Variants in FABP12 observed in about 807,000 individuals in gnomAD.
FABP12 encodes the protein fatty acid binding protein 12.
FABP12 carries 19 observed loss-of-function variants against 13.7 expected under a neutral mutation model. That is an observed-to-expected ratio of 1.39 (90% CI 0.97 to 2.04). The LOEUF is 2.04. FABP12 is among the 30% of genes most tolerant of loss of function. The probability of loss-of-function intolerance (pLI) is 0.00; values close to 1 mark genes in which losing one functional copy is unlikely to be tolerated. For synonymous variants in FABP12, 61 were observed against 57.0 expected, an observed-to-expected ratio of 1.07 and a Z score of -0.32; for missense variants, 182 against 164.2, an observed-to-expected ratio of 1.11 and a Z score of -0.59.
chr8:81,531,282 T>TG lies in FABP12; in HGVS notation c.33dup (p.Ile12HisfsTer4). ...TAGTCTTCGGAATTTTCACAAGAAA[T>TG]GGACTTCCATGTTCCTTGGAGCTGG... On this transcript the variant is annotated frameshift_variant, in exon 2 of 5. Transcript: ENST00000360464. LOFTEE classifies it high-confidence loss of function. 2 of 1,606,228 alleles carry TG rather than the reference T, an allele frequency of 1.2e-6. No homozygotes were observed. The highest frequency in any genetic ancestry group is 1.7e-4 in the Middle Eastern group (1 of 5,926).
chr8:81,548,431 T>C (rs1246419717), intron 1 of FABP12, among the ~76,000 whole-genome samples: 2 of 152,122 alleles, frequency 1.3e-5, no homozygotes, highest in East Asian at 1.9e-4. Context: ...ATTCAAAGTG[T>C]TGGAGTTTAC....
At chr8:81,570,587 G>T (rs1809912298) in intron 1 of FABP12, among the ~76,000 whole-genome samples, 1 of 152,062 alleles carries the variant, frequency 6.6e-6, no homozygotes, top group Non-Finnish European at 1.5e-5. Context: ...CAGCAGAGAG[G>T]GTACCTCTCT....
intron 1 of FABP12, among the ~76,000 whole-genome samples, chr8:81,572,796 ATTGT>A (rs999094565): frequency 1.3e-3 from 191 of 151,704 alleles, no homozygotes; most frequent in African/African-American, 4.2e-3. Context: ...TTTTGATGTG[ATTGT>A]TTGTTTTTTT....
chr8:81,564,391 A>ATAT (rs539404358), intron 1 of FABP12, among the ~76,000 whole-genome samples: 154 of 152,282 alleles, frequency 1.0e-3, no homozygotes, highest in African/African-American at 3.7e-3. Context: ...ACATTATAAA[A>ATAT]TATAATTGTG....
At chr8:81,568,813 T>C (rs1809874011) in intron 1 of FABP12, among the ~76,000 whole-genome samples, 1 of 152,168 alleles carries the variant, frequency 6.6e-6, no homozygotes, top group Non-Finnish European at 1.5e-5. Flanking sequence ...TGTAGCAACA[T>C]GGATGGAAGT....
At chr8:81,583,836 T>C (rs1278920794) in intron 1 of FABP12, among the ~76,000 whole-genome samples, 1 of 152,128 alleles carries the variant, frequency 6.6e-6, no homozygotes, top group Non-Finnish European at 1.5e-5. Flanking sequence ...CCCTGACTCA[T>C]TATATAAGGC....
At chr8:81,560,281 C>A (rs76214081) in intron 1 of FABP12, among the ~76,000 whole-genome samples, 8,156 of 152,226 alleles carry the variant, frequency 0.054, 249 homozygotes, top group South Asian at 0.1. Flanking sequence ...TTTCCTCATA[C>A]TTTTTTATGC....
At chr8:81,553,448 A>G (rs1184162781) in intron 1 of FABP12, among the ~76,000 whole-genome samples, 1 of 152,200 alleles carries the variant, frequency 6.6e-6, no homozygotes, top group Non-Finnish European at 1.5e-5. Flanking sequence ...AATTTATACT[A>G]TATTTTCACT....
chr8:81,571,276 GC>G (rs1376918506), intron 1 of FABP12, among the ~76,000 whole-genome samples: 6 of 152,226 alleles, frequency 3.9e-5, no homozygotes, highest in East Asian at 1.9e-4. Flanking sequence ...ACCTTCCCAG[GC>G]CCCCAGGAGT....
intron 1 of FABP12, among the ~76,000 whole-genome samples, chr8:81,583,030 T>C (rs1367509356): frequency 6.6e-6 from 1 of 151,986 alleles, no homozygotes; most frequent in South Asian, 2.1e-4. Flanking sequence ...GGAATAAAAC[T>C]AGAAATGCAT....
At chr8:81,552,420 G>A (rs1243232890) in intron 1 of FABP12, among the ~76,000 whole-genome samples, 1 of 152,062 alleles carries the variant, frequency 6.6e-6, no homozygotes, top group Non-Finnish European at 1.5e-5. Flanking sequence ...GGTACCCTAG[G>A]GTGTTGGCAG....
intron 1 of FABP12, among the ~76,000 whole-genome samples, chr8:81,568,476 TAAC>T (rs1809868338): frequency 6.6e-6 from 1 of 152,162 alleles, no homozygotes; most frequent in Non-Finnish European, 1.5e-5. Flanking sequence ...AGACAGGCAA[TAAC>T]AAATGCTGGT....
chr8:81,573,566 T>C lies in FABP12; in HGVS notation c.-185+16487A>G, dbSNP rs572734974. Among the ~76,000 whole-genome samples the C allele has an allele frequency of 5.5e-4, 84 of 152,362 alleles. 2 individuals are homozygous for C. In the South Asian group the frequency reaches 0.017, roughly 31 times the overall value. On this transcript the variant is annotated intron_variant, in intron 1 of 5. Coordinates refer to the FABP12 transcript ENST00000692030. Reference sequence around the variant, plus strand: ...AGTATGGTCATTTTCACAATATTGATTCTACCCATCCATGAGCATGGGATG... The same window carrying C: ...AGTATGGTCATTTTCACAATATTGACTCTACCCATCCATGAGCATGGGATG...
intron 1 of FABP12, among the ~76,000 whole-genome samples, chr8:81,550,997 A>G (rs1585846068): frequency 6.6e-6 from 1 of 152,182 alleles, no homozygotes; most frequent in Non-Finnish European, 1.5e-5. Context: ...GGTAAATAGT[A>G]TCTGAGTTGA....
intron 1 of FABP12, among the ~76,000 whole-genome samples, chr8:81,588,594 T>A (rs1863760): frequency 0.71 from 108,169 of 152,106 alleles, 39,547 homozygotes; most frequent in East Asian, 0.85. Context: ...TGTCTGTCAA[T>A]AAGGCTAATT....
upstream of FABP12, among the ~76,000 whole-genome samples, chr8:81,535,456 C>G (rs752048231): frequency 5.3e-5 from 8 of 152,186 alleles, no homozygotes; most frequent in Non-Finnish European, 1.2e-4. Flanking sequence ...GTGGAGCTTA[C>G]TCCAACAGCC....
At chr8:81,570,516 C>T (rs369594374) in intron 1 of FABP12, among the ~76,000 whole-genome samples, 3 of 152,184 alleles carry the variant, frequency 2.0e-5, no homozygotes, top group Non-Finnish European at 1.5e-5. Context: ...TAGTGTTCAG[C>T]TCCTAGCAGA....
chr8:81,547,296 A>G (rs1809451066), intron 1 of FABP12, among the ~76,000 whole-genome samples: 1 of 152,238 alleles, frequency 6.6e-6, no homozygotes, highest in African/African-American at 2.4e-5. Context: ...AAATGAATGG[A>G]CAATTCAAAA....
At chr8:81,527,233 A>G in intron 3 of FABP12, 112 bp from the exon 4 acceptor site, 1 of 598,144 alleles carries the variant, frequency 1.7e-6, no homozygotes, top group South Asian at 2.3e-5. Flanking sequence ...TAGTTTTAGA[A>G]TGGTATTGAC....
Sources: allele counts gnomAD v4.1 joint callset (sites outside exome capture counted in the v4.1 genomes callset), GRCh38; gene constraint gnomAD v4.1.1; transcripts MANE v1.5; gene names NCBI Gene and HGNC (gene_info 2026-07-23, HGNC 2026-07-21).